The following PPFIA1 variants were observed in gnomAD, a reference collection of about 807,000 sequenced individuals.
PPFIA1 encodes the protein liprin-alpha-1.
PPFIA1 carries 25 observed loss-of-function variants against 149.9 expected under a neutral mutation model. The observed-to-expected ratio is 0.17, with a 90% CI of 0.12 to 0.23. The LOEUF (loss-of-function observed/expected upper bound fraction) is 0.23, where lower values mean the gene tolerates loss of function less well. Among genes scored for constraint, PPFIA1 ranks in the 10% least tolerant of loss-of-function variants. The probability of loss-of-function intolerance (pLI) is 1.00; values close to 1 mark genes in which losing one functional copy is unlikely to be tolerated. For missense variants in PPFIA1, 1,362 were observed against 1,506.5 expected, an observed-to-expected ratio of 0.90 and a Z score of 1.59; for synonymous variants, 549 against 552.8, an observed-to-expected ratio of 0.99 and a Z score of 0.10.
chr11:70,330,008 A>G (rs1016061287), intron 7 of PPFIA1, 165 bp from the exon 8 acceptor site: 1 of 572,068 alleles, frequency 1.7e-6, no homozygotes, highest in East Asian at 3.3e-5. Flanking sequence ...TAGCCTCCCA[A>G]AGTGCTGTGA....
chr11:70,303,319 T>A (rs1211871725), intron 2 of PPFIA1, among the ~76,000 whole-genome samples: 3 of 152,318 alleles, frequency 2.0e-5, no homozygotes, highest in Middle Eastern at 3.4e-3. Flanking sequence ...GGTCTCAGAA[T>A]GCTTACTCAC....
At chr11:70,304,757 G>C (rs1326612733) in intron 2 of PPFIA1, among the ~76,000 whole-genome samples, 6 of 152,172 alleles carry the variant, frequency 3.9e-5, no homozygotes, top group Non-Finnish European at 8.8e-5. Context: ...GAACTGCATG[G>C]AATTAGAGGC....
chr11:70,277,613 T>C (rs1458159470), intron 2 of PPFIA1, among the ~76,000 whole-genome samples: 2 of 152,006 alleles, frequency 1.3e-5, no homozygotes, highest in Non-Finnish European at 2.9e-5. Context: ...GCCTCAGCCT[T>C]CTGAGTAGCT....
intron 2 of PPFIA1, among the ~76,000 whole-genome samples, chr11:70,320,386 A>C (rs1356933472): frequency 1.3e-5 from 2 of 151,552 alleles, no homozygotes; most frequent in African/African-American, 2.4e-5. Context: ...TACAGGGGTA[A>C]GGGTAACAGG....
chr11:70,287,902 TCCC>T, intron 2 of PPFIA1, among the ~76,000 whole-genome samples: 1 of 152,036 alleles, frequency 6.6e-6, no homozygotes, highest in African/African-American at 2.4e-5. Flanking sequence ...CTACTTGGCC[TCCC>T]AGAGTGCTGG....
intron 21 of PPFIA1, among the ~76,000 whole-genome samples, chr11:70,369,585 G>A (rs1258108406): frequency 6.6e-6 from 1 of 152,114 alleles, no homozygotes; most frequent in Non-Finnish European, 1.5e-5. Context: ...CACCAGTGAA[G>A]CTATCTTGGG....
chr11:70,335,064 G>T (rs915282718), intron 10 of PPFIA1, among the ~76,000 whole-genome samples: 2 of 152,092 alleles, frequency 1.3e-5, no homozygotes, highest in African/African-American at 4.8e-5. Flanking sequence ...TCCATTACGA[G>T]AAATTTAAGC....
intron 23 of PPFIA1, chr11:70,373,650 G>A (rs2057366449): frequency 6.6e-6 from 1 of 152,230 alleles, no homozygotes; most frequent in Non-Finnish European, 1.5e-5. Flanking sequence ...CTTACTAACA[G>A]TGAGTAGGTG....
At chr11:70,297,466 C>T (rs1433136439) in intron 2 of PPFIA1, among the ~76,000 whole-genome samples, 2 of 152,032 alleles carry the variant, frequency 1.3e-5, no homozygotes, top group African/African-American at 4.8e-5. Flanking sequence ...CATATGGTGT[C>T]CACAGTAACA....
Position 70,337,393 on chromosome 11 carries a change from C to CA in PPFIA1, c.1463dup (p.Gln489AlafsTer9), listed in dbSNP as rs752908891. 1 of 1,595,356 alleles carries CA rather than the reference C, an allele frequency of 6.3e-7. No individual in the cohort carries two copies. Among genetic ancestry groups the CA allele is most frequent in the Non-Finnish European group, 8.5e-7 (1 of 1,170,522 alleles). ...TCTCTTTTAAGAGAAGTTGAAAGTG[C>CA]AAAAAAGCAGTTAGAAGAAACACAA... On this transcript the variant is annotated frameshift_variant, in exon 12 of 28. Coordinates refer to ENST00000253925, the MANE Select transcript of PPFIA1 (RefSeq NM_003626.5). LOFTEE classifies it high-confidence loss of function.
At chr11:70,301,365 A>G (rs1049890635) in intron 2 of PPFIA1, among the ~76,000 whole-genome samples, 4 of 152,178 alleles carry the variant, frequency 2.6e-5, no homozygotes, top group African/African-American at 9.7e-5. Flanking sequence ...GGTCCTCACC[A>G]TGGTATCTTC....
At chr11:70,375,263 T>C in intron 24 of PPFIA1, 170 bp downstream of exon 24, 2 of 463,980 alleles carry the variant, frequency 4.3e-6, no homozygotes, top group Non-Finnish European at 3.6e-6. Context: ...TTCCCTTTTC[T>C]GTTGGAAGCA....
intron 2 of PPFIA1, among the ~76,000 whole-genome samples, chr11:70,288,881 C>T (rs187817085): frequency 2.0e-5 from 3 of 152,064 alleles, no homozygotes; most frequent in African/African-American, 4.8e-5. Flanking sequence ...CTCTCAGGAG[C>T]CCTGGTTCCC....
chr11:70,372,360 G>T lies in PPFIA1; in HGVS notation c.3011G>T (p.Gly1004Val). 6.2e-7 allele frequency: 1 copy of T among 1,614,138 alleles called. No individual in the cohort carries two copies. Among genetic ancestry groups the T allele is most frequent in the Non-Finnish European group, 8.5e-7 (1 of 1,180,032 alleles). ...LDHLTKKDLR[G>V]QLKMVDSFHR... ...CACTTGACCAAGAAAGACCTTCGAG[G>T]GCAGCTGAAAATGGTCGACAGTTTT... Residue 1004 changes from glycine (G) to valine (V), a missense_variant, in exon 22 of 28, where the codon GGG becomes GTG. Gly to Val is a moderately radical substitution (Grantham distance 109, BLOSUM62 -3). Around this residue, in one of 7 missense-constraint regions of PPFIA1, gnomAD observed 349 missense variants for 373.3 expected, o/e 0.93. Coordinates refer to ENST00000253925, the MANE Select transcript of PPFIA1 (RefSeq NM_003626.5).
intron 16 of PPFIA1, among the ~76,000 whole-genome samples, chr11:70,348,967 G>T (rs574053516): frequency 6.6e-6 from 1 of 152,212 alleles, no homozygotes; most frequent in South Asian, 2.1e-4. Context: ...CATGACATCT[G>T]TGCAAAGTAC....
rs749280540 is a variant in PPFIA1, at chr11:70,372,309, G to A, written c.2960G>A (p.Cys987Tyr). 2.5e-6 allele frequency: 4 copies of A among 1,614,216 alleles called. No homozygotes were observed. In the South Asian group the frequency reaches 4.4e-5, roughly 18 times the overall value. ...CAGTACCGCAGCTACTTCATGGAGT[G>A]CCTTGTAGACGCCAGGATGCTGGAC... ...LPQYRSYFME[C>Y]LVDARMLDHL... The change falls in exon 22 of 28, where the codon TGC becomes TAC. Residue 987 changes from cysteine (C) to tyrosine (Y), a missense_variant. Coordinates refer to ENST00000253925, the MANE Select transcript of PPFIA1 (RefSeq NM_003626.5).
intron 2 of PPFIA1, among the ~76,000 whole-genome samples, chr11:70,292,456 CCCCTTT>C (rs1161409521): frequency 6.6e-6 from 1 of 152,218 alleles, no homozygotes; most frequent in Non-Finnish European, 1.5e-5. Flanking sequence ...ACTCGCATGT[CCCCTTT>C]CCCTTGTTAC....
At chr11:70,300,433 G>A (rs1442611773) in intron 2 of PPFIA1, among the ~76,000 whole-genome samples, 1 of 151,916 alleles carries the variant, frequency 6.6e-6, no homozygotes. Flanking sequence ...ACAGTGGCCC[G>A]ATCTGGGCTC....
At chr11:70,340,722 G>T (rs959050908) in intron 14 of PPFIA1, among the ~76,000 whole-genome samples, 24 of 152,102 alleles carry the variant, frequency 1.6e-4, no homozygotes, top group Non-Finnish European at 3.1e-4. Context: ...TAGTGTGTGT[G>T]TGTTGACTAT....
Sources: allele counts gnomAD v4.1 joint callset (sites outside exome capture counted in the v4.1 genomes callset), GRCh38; gene constraint gnomAD v4.1.1; regional missense constraint gnomAD v4.1.1; transcripts MANE v1.5; gene names NCBI Gene and HGNC (gene_info 2026-07-23, HGNC 2026-07-21).